Variants in PPP1R14C observed in about 807,000 individuals in gnomAD.
PPP1R14C encodes protein phosphatase 1 regulatory subunit 14C.
In PPP1R14C, 16 loss-of-function variants were observed where a neutral mutation model predicts 20.4. The observed-to-expected ratio is 0.78, with a 90% confidence interval of 0.53 to 1.19. The LOEUF (loss-of-function observed/expected upper bound fraction) is 1.19. Among genes scored for constraint, PPP1R14C ranks in the 50% most tolerant of loss-of-function variants. The probability of loss-of-function intolerance (pLI) is 0.00; values close to 1 mark genes in which losing one functional copy is unlikely to be tolerated. For missense variants in PPP1R14C, 211 were observed against 220.1 expected (o/e 0.96, Z 0.26); for synonymous variants, 91 against 91.0 (o/e 1.00, Z 0.00).
At chr6:150,167,993 C>CTCCCCTTCTCTCCTCCCCCTTT (rs1777448407) in intron 1 of PPP1R14C, among the ~76,000 whole-genome samples, 12 of 1,026 alleles carry the variant, frequency 0.012, 3 homozygotes, top group African/African-American at 0.016. Flanking sequence ...CTCCCCTCTT[C>CTCCCCTTCTCTCCTCCCCCTTT]CTCTCCCCCT....
Position 150,143,536 on chromosome 6 carries a change from C to A in PPP1R14C, c.306+38C>A. 1 of 1,363,502 alleles carries A rather than the reference C, an allele frequency of 7.3e-7. No homozygotes were observed. Among genetic ancestry groups the A allele is most frequent in the Non-Finnish European group, 1.0e-6 (1 of 989,362 alleles). 84.5% of individuals were successfully genotyped at this position (1,363,502 alleles called of 1,614,324 possible). On this transcript the variant is annotated intron_variant, in intron 1 of 3. Coordinates refer to ENST00000361131, the MANE Select transcript of PPP1R14C (RefSeq NM_030949.3). The surrounding 1 kb of genome is among the most constrained non-coding windows in gnomAD (Gnocchi z 5.6). ...GGGGCTGGGAGGGTCGGGGACCTCT[C>A]TAGCTCCTCTGTGCCCGCGCAGTAA...
intron 3 of PPP1R14C, among the ~76,000 whole-genome samples, chr6:150,231,604 C>T (rs558849843): frequency 6.6e-6 from 1 of 152,310 alleles, no homozygotes; most frequent in South Asian, 2.1e-4. Context: ...AAACTTTGAG[C>T]AGCTCCTCTT....
intron 1 of PPP1R14C, among the ~76,000 whole-genome samples, chr6:150,211,405 G>A (rs1778023295): frequency 6.6e-6 from 1 of 152,210 alleles, no homozygotes; most frequent in African/African-American, 2.4e-5. Flanking sequence ...CCCAGCAGCT[G>A]TGAAGACAGT....
intron 1 of PPP1R14C, among the ~76,000 whole-genome samples, chr6:150,175,962 T>G (rs1024387754): frequency 4.6e-5 from 7 of 152,170 alleles, no homozygotes; most frequent in Admixed American, 1.3e-4. Context: ...GGTAACAGGA[T>G]CTCTAAACCG....
chr6:150,231,205 G>A (rs954360095), intron 3 of PPP1R14C, among the ~76,000 whole-genome samples: 2 of 152,218 alleles, frequency 1.3e-5, no homozygotes, highest in African/African-American at 2.4e-5. Context: ...CCTCCGAAAC[G>A]TGTTTGGACT....
Position 150,156,321 on chromosome 6 carries a change from G to A in PPP1R14C, c.306+12823G>A, listed in dbSNP as rs1342160566. 3.3e-5 allele frequency among the ~76,000 whole-genome samples: 5 copies of A among 151,708 alleles called. No homozygotes were observed. The Admixed American group carries it at 3.3e-4, about 10-fold the overall frequency. ...AGCAGCAGATATTATCATTGACATG[G>A]TAGAAGTAATGCTTTTTCTAAATAC... On this transcript the variant is annotated intron_variant, in intron 1 of 3. Coordinates refer to ENST00000361131, the MANE Select transcript of PPP1R14C (RefSeq NM_030949.3).
chr6:150,163,830 C>T (rs916187601), intron 1 of PPP1R14C, among the ~76,000 whole-genome samples: 14 of 152,030 alleles, frequency 9.2e-5, no homozygotes, highest in African/African-American at 3.1e-4. Flanking sequence ...ATTGAGCTCC[C>T]GAGAATATTA....
chr6:150,201,269 A>T lies in PPP1R14C; in HGVS notation c.307-13475A>T, dbSNP rs1029349836. 6.6e-6 allele frequency among the ~76,000 whole-genome samples: 1 copy of T among 152,218 alleles called. No individual in the cohort carries two copies. Among genetic ancestry groups the T allele is most frequent in the Admixed American group, 6.5e-5 (1 of 15,280 alleles). ...CCAGTATGGGGAGGCAGACTGAGAAATGTGAATTGGAAGAGTGTGGAAAGT... is the reference window on the plus strand; with the variant it reads ...CCAGTATGGGGAGGCAGACTGAGAATTGTGAATTGGAAGAGTGTGGAAAGT... On this transcript the variant is annotated intron_variant, in intron 1 of 3. Coordinates refer to ENST00000361131, the MANE Select transcript of PPP1R14C (RefSeq NM_030949.3). This position sits in a 1 kb window ranked among gnomAD's most constrained non-coding sequence, Gnocchi z 4.2.
intron 3 of PPP1R14C, among the ~76,000 whole-genome samples, chr6:150,248,272 C>T (rs1189088382): frequency 6.6e-6 from 1 of 152,156 alleles, no homozygotes; most frequent in Non-Finnish European, 1.5e-5. Flanking sequence ...CCTGGTGATT[C>T]TGATGCACAC....
Position 150,248,760 on chromosome 6 carries a change from G to A in PPP1R14C, c.438G>A (p.Glu146=). Residue 146 remains glutamate, a synonymous_variant, in exon 4 of 4, where the codon GAG becomes GAA. Coordinates refer to ENST00000361131, the MANE Select transcript of PPP1R14C (RefSeq NM_030949.3). ...ATCTCTTTTAGGAATTTATCAAAGA[G>A]CTGCTTTCTCGGATAAGAGGCATGA... is the stretch of plus-strand genomic sequence containing the variant. The part of the protein sequence containing the change: ...CYKPTEEFIK[E]LLSRIRGMRK... 1 of 1,611,720 alleles carries A rather than the reference G, an allele frequency of 6.2e-7. No homozygotes were observed.
At chr6:150,212,340 C>A (rs2114908397) in intron 1 of PPP1R14C, among the ~76,000 whole-genome samples, 1 of 152,206 alleles carries the variant, frequency 6.6e-6, no homozygotes, top group South Asian at 2.1e-4. Flanking sequence ...ATGGGACAGC[C>A]CAGATCTCAG....
At position 150,143,333 on chromosome 6, in the gene PPP1R14C, G is replaced by C. The variant is rs1193106663; in HGVS notation, c.141G>C (p.Ser47=). The change falls in exon 1 of 4, where the codon TCG becomes TCC. Residue 47 remains serine, a synonymous_variant. Coordinates refer to ENST00000361131, the MANE Select transcript of PPP1R14C (RefSeq NM_030949.3). The surrounding 1 kb of genome is among the most constrained non-coding windows in gnomAD (Gnocchi z 5.6). Reference sequence around the variant, plus strand: ...GCTCAGGCTCCTCCCGGGAGGACTCGGCGCCCGTGGCCACGGCGGCCGCTG... The same window carrying C: ...GCTCAGGCTCCTCCCGGGAGGACTCCGCGCCCGTGGCCACGGCGGCCGCTG... ...SSGSGSSRED[S]APVATAAAAG... is the part of the protein sequence containing the mutation. 3 of 1,602,630 alleles carry C rather than the reference G, an allele frequency of 1.9e-6. No individual in the cohort carries two copies. Among genetic ancestry groups the C allele is most frequent in the South Asian group, 1.1e-5 (1 of 89,542 alleles).
At position 150,174,761 on chromosome 6, in the gene PPP1R14C, G is replaced by A. The variant is rs540176965; in HGVS notation, c.306+31263G>A. Among the ~76,000 whole-genome samples the A allele has an allele frequency of 3.3e-4, 50 of 151,540 alleles. No homozygotes were observed. In the East Asian group the frequency reaches 7.7e-3, roughly 23 times the overall value. On this transcript the variant is annotated intron_variant, in intron 1 of 3. Transcript: ENST00000361131. ...GGACGGATCACAAGGTCAGGAGTTC[G>A]AGACCAGCCTGGCCAATACGGTGAA...
intron 1 of PPP1R14C, among the ~76,000 whole-genome samples, chr6:150,164,084 T>A (rs1397318674): frequency 1.3e-5 from 2 of 152,228 alleles, no homozygotes; most frequent in Non-Finnish European, 2.9e-5. Flanking sequence ...TGTAATATAG[T>A]GGTGTTGCAT....
rs1777874870 is a variant in PPP1R14C at position 150,201,299 on chromosome 6, C to T, written c.307-13445C>T. Among the ~76,000 whole-genome samples the T allele has an allele frequency of 2.0e-5, 3 of 152,080 alleles. No homozygotes were observed. The highest frequency in any genetic ancestry group is 4.1e-4 in the South Asian group (2 of 4,820). ...AATTGGAAGAGTGTGGAAAGTGCAG[C>T]GAAAGAGAGGTGCAGGGCATTCTAA... is the stretch of plus-strand genomic sequence containing the variant. On this transcript the variant is annotated intron_variant, in intron 1 of 3. Transcript: ENST00000361131. This position sits in a 1 kb window ranked among gnomAD's most constrained non-coding sequence, Gnocchi z 4.2.
chr6:150,194,956 G>A (rs532309693), intron 1 of PPP1R14C: 1 of 985,392 alleles, frequency 1.0e-6, no homozygotes, highest in South Asian at 4.7e-5. Flanking sequence ...GGAATAAATT[G>A]ATAAAGGCAA....
chr6:150,216,972 A>C, intron 3 of PPP1R14C, 116 bp downstream of exon 3: 4 of 735,352 alleles, frequency 5.4e-6, no homozygotes, highest in Non-Finnish European at 9.2e-6. Flanking sequence ...ACCAATTAGC[A>C]ATTATTATCC....
rs1777882917 is a variant in PPP1R14C at position 150,201,952 on chromosome 6, G to A, written c.307-12792G>A. 6.6e-6 allele frequency among the ~76,000 whole-genome samples: 1 copy of A among 152,164 alleles called. No individual in the cohort carries two copies. The highest frequency in any genetic ancestry group is 1.5e-5 in the Non-Finnish European group (1 of 68,028). ...CATGCATTACAGGTAAACGATTATG[G>A]TAATAATTTACAAAGAAGCATGCCC... On this transcript the variant is annotated intron_variant, in intron 1 of 3. Coordinates refer to ENST00000361131, the MANE Select transcript of PPP1R14C (RefSeq NM_030949.3). This position sits in a 1 kb window ranked among gnomAD's most constrained non-coding sequence, Gnocchi z 4.2.
chr6:150,187,823 A>C (rs1777695732), intron 1 of PPP1R14C, among the ~76,000 whole-genome samples: 1 of 152,186 alleles, frequency 6.6e-6, no homozygotes, highest in Admixed American at 6.5e-5. Flanking sequence ...CAAGATTTAC[A>C]TTCCTTGACC....
Sources: allele counts gnomAD v4.1 joint callset (sites outside exome capture counted in the v4.1 genomes callset), GRCh38; gene constraint gnomAD v4.1.1; non-coding constraint Gnocchi (gnomAD v3.1); transcripts MANE v1.5; gene names NCBI Gene and HGNC (gene_info 2026-07-23, HGNC 2026-07-21).